NREP: variants seen among roughly 807,000 people sequenced by gnomAD.
NREP encodes the protein neuronal regeneration-related protein.
NREP carries 5 observed loss-of-function variants against 8.6 expected under a neutral mutation model. The ratio of observed to expected loss-of-function variants is 0.58; its 90% CI spans 0.30 to 1.22. NREP has a LOEUF of 1.22. NREP is among the 50% of genes most tolerant of loss of function. The pLI is 0.07. For synonymous variants in NREP, 27 were observed against 28.0 expected (o/e 0.96, Z 0.11); for missense variants, 86 against 82.5 (o/e 1.04, Z -0.17).
chr5:111,744,785 G>A (rs746164221), intron 2 of NREP, among the ~76,000 whole-genome samples: 1 of 152,052 alleles, frequency 6.6e-6, no homozygotes, highest in Non-Finnish European at 1.5e-5. Flanking sequence ...CAAACTAGAG[G>A]CTTAAGTTCC....
intron 2 of NREP, among the ~76,000 whole-genome samples, chr5:111,796,608 T>C (rs1278801070): frequency 6.6e-6 from 1 of 152,110 alleles, no homozygotes; most frequent in Non-Finnish European, 1.5e-5. Context: ...AAAAGAAAAA[T>C]ATCTTGAAAA....
At chr5:111,744,633 G>A (rs1221900358) in intron 2 of NREP, among the ~76,000 whole-genome samples, 1 of 152,046 alleles carries the variant, frequency 6.6e-6, no homozygotes, top group Non-Finnish European at 1.5e-5. Flanking sequence ...ATTAAGTAGA[G>A]GGCTTCTCTC....
chr5:111,762,349 T>C (rs1440505760), upstream of NREP, among the ~76,000 whole-genome samples: 2 of 152,144 alleles, frequency 1.3e-5, no homozygotes, highest in Non-Finnish European at 2.9e-5. Context: ...ATAACACACA[T>C]ATTCAATGAT....
intron 2 of NREP, among the ~76,000 whole-genome samples, chr5:111,905,141 T>C (rs958157357): frequency 2.6e-5 from 4 of 152,104 alleles, no homozygotes; most frequent in African/African-American, 9.7e-5. Context: ...TGTCAGATGA[T>C]TTTTCAGCAA....
intron 2 of NREP, among the ~76,000 whole-genome samples, chr5:111,907,327 T>C (rs1754802649): frequency 6.6e-6 from 1 of 152,240 alleles, no homozygotes; most frequent in South Asian, 2.1e-4. Context: ...ATATTTTACT[T>C]TGGTCTATGA....
At chr5:111,976,575 C>G in intron 1 of NREP, 1 of 667,312 alleles carries the variant, frequency 1.5e-6, no homozygotes, top group Non-Finnish European at 2.6e-6. Context: ...TAAACAGAGT[C>G]AAAACATCCT....
intron 2 of NREP, among the ~76,000 whole-genome samples, chr5:111,927,601 G>A (rs1221813941): frequency 6.6e-6 from 1 of 152,142 alleles, no homozygotes; most frequent in Non-Finnish European, 1.5e-5. Context: ...CATTGTGATT[G>A]TATCCTATGT....
chr5:111,788,128 A>AG (rs1307902080), intron 2 of NREP, among the ~76,000 whole-genome samples: 1 of 152,194 alleles, frequency 6.6e-6, no homozygotes, highest in African/African-American at 2.4e-5. Flanking sequence ...AAAAGAGAAA[A>AG]GAAAAGAAAC....
At chr5:111,957,884 A>G (rs1331690342) in intron 2 of NREP, among the ~76,000 whole-genome samples, 2 of 151,992 alleles carry the variant, frequency 1.3e-5, no homozygotes, top group Non-Finnish European at 2.9e-5. Context: ...GACAAGAAAT[A>G]TACATTTGAC....
At chr5:111,956,634 T>C (rs1756328599) in intron 2 of NREP, among the ~76,000 whole-genome samples, 1 of 152,034 alleles carries the variant, frequency 6.6e-6, no homozygotes, top group Admixed American at 6.6e-5. Flanking sequence ...TGGTTGACAG[T>C]TATCCAGAAG....
chr5:111,737,809 T>C (rs963057438), intron 2 of NREP, among the ~76,000 whole-genome samples: 9 of 151,696 alleles, frequency 5.9e-5, no homozygotes, highest in Admixed American at 4.6e-4. Context: ...AAAACACACA[T>C]GACTAAGGAA....
intron 2 of NREP, among the ~76,000 whole-genome samples, chr5:111,905,451 A>G (rs1754758159): frequency 6.6e-6 from 1 of 152,176 alleles, no homozygotes. Context: ...AGACTTAATA[A>G]AACAGTTAAA....
At chr5:111,969,857 T>C (rs1756753923) in intron 2 of NREP, among the ~76,000 whole-genome samples, 1 of 152,138 alleles carries the variant, frequency 6.6e-6, no homozygotes, top group African/African-American at 2.4e-5. Context: ...GGTAAAAATG[T>C]GGTACTGGTG....
At chr5:111,881,697 C>T (rs1392474391) in intron 2 of NREP, among the ~76,000 whole-genome samples, 2 of 152,164 alleles carry the variant, frequency 1.3e-5, no homozygotes, top group African/African-American at 2.4e-5. Flanking sequence ...CTGCAGCCAC[C>T]TCTGCAGATA....
chr5:111,771,376 G>A (rs1260427707), intron 2 of NREP, among the ~76,000 whole-genome samples: 10 of 151,910 alleles, frequency 6.6e-5, no homozygotes, highest in Admixed American at 6.6e-4. Flanking sequence ...ATAAATGACA[G>A]AGACAGGATT....
chr5:111,734,955 G>C, intron 3 of NREP: 1 of 415,410 alleles, frequency 2.4e-6, no homozygotes, highest in Non-Finnish European at 4.2e-6. Flanking sequence ...TCAGAACAAT[G>C]AAACCACGTT....
At chr5:111,826,194 G>A (rs532612058) in intron 2 of NREP, among the ~76,000 whole-genome samples, 72 of 152,204 alleles carry the variant, frequency 4.7e-4, no homozygotes, top group Admixed American at 2.2e-3. Flanking sequence ...CTAAAGGTTC[G>A]TAAACGCACC....
intron 2 of NREP, among the ~76,000 whole-genome samples, chr5:111,781,816 G>A (rs756263188): frequency 5.9e-5 from 9 of 152,146 alleles, no homozygotes; most frequent in East Asian, 1.9e-4. Context: ...AAAGGCTATC[G>A]GGGCCAAGGG....
At chr5:111,744,154 C>T (rs577207868) in intron 2 of NREP, among the ~76,000 whole-genome samples, 39 of 152,174 alleles carry the variant, frequency 2.6e-4, no homozygotes, top group Non-Finnish European at 3.1e-4. Flanking sequence ...CCGAAGTGCT[C>T]ATTCCAAAAG....
Sources: gnomAD v4.1 joint callset for allele counts (sites outside exome capture counted in the v4.1 genomes callset) on GRCh38, gnomAD v4.1.1 for gene constraint, MANE v1.5 for transcripts, NCBI Gene and HGNC (gene_info 2026-07-23, HGNC 2026-07-21) for gene names.